The following SPATS2L variants were observed in gnomAD, a reference collection of about 807,000 sequenced individuals.
SPATS2L encodes the protein SPATS2-like protein.
A neutral mutation model predicts 59.6 loss-of-function variants in SPATS2L; 30 were observed. The observed-to-expected ratio is 0.50, with a 90% CI of 0.38 to 0.68. The LOEUF (loss-of-function observed/expected upper bound fraction) is 0.68, where lower values mean the gene tolerates loss of function less well. Among genes scored for constraint, SPATS2L ranks in the 30% least tolerant of loss-of-function variants. SPATS2L has a pLI of 0.00. For synonymous variants in SPATS2L, 252 were observed against 263.5 expected (o/e 0.96, Z 0.42); for missense variants, 615 against 700.0 (o/e 0.88, Z 1.37).
rs1306601736 is a variant in SPATS2L at position 200,477,966 on chromosome 2, A to T, written c.1612A>T (p.Thr538Ser). 1 of 1,605,310 alleles carries T rather than the reference A, an allele frequency of 6.2e-7. No homozygotes were observed. ...GGTTTCACAGTGCAATCTCTGCCCC[A>T]CGAGAATAGAAGTTTCCACAGATGC... is the stretch of plus-strand genomic sequence containing the variant. The part of the protein sequence containing the change: ...GRVSQCNLCP[T>S]RIEVSTDAAV... Residue 538 changes from threonine to serine, a missense_variant, in exon 13 of 13, where the codon ACG becomes TCG. By Grantham distance (58) the Thr-to-Ser change is moderately conservative. Coordinates refer to ENST00000409140, the MANE Select transcript of SPATS2L (RefSeq NM_001100423.2).
At chr2:200,364,447 T>G (rs1282349144) in intron 2 of SPATS2L, among the ~76,000 whole-genome samples, 1 of 152,212 alleles carries the variant, frequency 6.6e-6, no homozygotes, top group Non-Finnish European at 1.5e-5. Flanking sequence ...GATTTCCCAC[T>G]GAGTGCCCTG....
chr2:200,438,625 T>A (rs1490984053), intron 6 of SPATS2L, among the ~76,000 whole-genome samples: 1 of 152,222 alleles, frequency 6.6e-6, no homozygotes, highest in Non-Finnish European at 1.5e-5. Flanking sequence ...CTGTTGTCAC[T>A]TCATTTTTGC....
chr2:200,416,293 T>G, intron 4 of SPATS2L, 86 bp from the exon 5 acceptor site: 3 of 518,786 alleles, frequency 5.8e-6, no homozygotes, highest in Non-Finnish European at 6.1e-6. Flanking sequence ...AAAAAAAAGC[T>G]GCTACCAAGA....
At chr2:200,351,248 T>C (rs1015065182) in intron 2 of SPATS2L, 2 of 471,356 alleles carry the variant, frequency 4.2e-6, no homozygotes, top group African/African-American at 2.0e-5. Flanking sequence ...TGTTTGTGTT[T>C]TTAGATGCAC....
At chr2:200,344,039 A>AT (rs201318167) in intron 2 of SPATS2L, among the ~76,000 whole-genome samples, 10 of 151,504 alleles carry the variant, frequency 6.6e-5, no homozygotes, top group South Asian at 2.1e-4. Context: ...CATAGAGGTT[A>AT]TTTTTTTTAA....
At chr2:200,403,593 C>T (rs983884737) in intron 3 of SPATS2L, among the ~76,000 whole-genome samples, 1 of 152,160 alleles carries the variant, frequency 6.6e-6, no homozygotes, top group Non-Finnish European at 1.5e-5. Flanking sequence ...AATTCATCCT[C>T]CCCCTTCATA....
chr2:200,406,532 C>T (rs1287840812), intron 3 of SPATS2L, among the ~76,000 whole-genome samples: 1 of 152,100 alleles, frequency 6.6e-6, no homozygotes, highest in African/African-American at 2.4e-5. Context: ...AGCCTCTCTT[C>T]ATCTGCACTC....
At chr2:200,347,379 T>G (rs2080550021) in intron 2 of SPATS2L, among the ~76,000 whole-genome samples, 1 of 152,210 alleles carries the variant, frequency 6.6e-6, no homozygotes, top group South Asian at 2.1e-4. Context: ...GCGCATGTCT[T>G]GACTCTGCAT....
chr2:200,425,640 G>A (rs1037926736), intron 6 of SPATS2L, among the ~76,000 whole-genome samples: 15 of 152,156 alleles, frequency 9.9e-5, no homozygotes, highest in African/African-American at 3.6e-4. Flanking sequence ...CTGGAATCGG[G>A]TAAACCCTCT....
intron 6 of SPATS2L, among the ~76,000 whole-genome samples, chr2:200,428,404 T>C (rs1429819080): frequency 6.6e-6 from 1 of 152,224 alleles, no homozygotes; most frequent in African/African-American, 2.4e-5. Flanking sequence ...CCTGATTGTG[T>C]CCCTCTGTCT....
rs557926938 is a variant in SPATS2L, at chr2:200,479,456, G to GA, written c.*1426dup. 3.7e-4 allele frequency: 149 copies of GA among 398,018 alleles called. No individual in the cohort carries two copies. The East Asian group carries it at 4.4e-3, about 12-fold the overall frequency. 24.7% of individuals were successfully genotyped at this position (398,018 alleles called of 1,614,324 possible). On this transcript the variant is annotated 3_prime_UTR_variant, in exon 13 of 13. Transcript: ENST00000409140. ...TGAAAGGGGGGAGAGAAGTGAATGG[G>GA]ATGAACTAATTTGCATAGACTAATT...
In SPATS2L at chr2:200,472,925, G is replaced by A. The variant is rs1351862317; in HGVS notation, c.1154G>A (p.Ser385Asn). ...NAHAATSGKQSNFSRKSSTHN... is the reference protein window; with the variant it reads ...NAHAATSGKQNNFSRKSSTHN... The stretch of plus-strand genomic sequence containing the variant: ...CACGCAGCAACCTCTGGGAAACAGA[G>A]TAACTTTTCCCGAAAATCATCCACT... The change falls in exon 12 of 13, where the codon AGT becomes AAT. Residue 385 changes from serine (S) to asparagine (N), a missense_variant. Transcript: ENST00000409140. 1 of 1,613,878 alleles carries A rather than the reference G, an allele frequency of 6.2e-7. No homozygotes were observed. Among genetic ancestry groups the A allele is most frequent in the South Asian group, 1.1e-5 (1 of 91,082 alleles).
intron 2 of SPATS2L, among the ~76,000 whole-genome samples, chr2:200,361,603 C>T (rs917572635): frequency 1.3e-5 from 2 of 152,178 alleles, no homozygotes; most frequent in African/African-American, 4.8e-5. Context: ...TTGTAGAAGG[C>T]TCAGTTCATT....
At chr2:200,410,354 TTG>T (rs1360288134) in intron 3 of SPATS2L, among the ~76,000 whole-genome samples, 1 of 152,080 alleles carries the variant, frequency 6.6e-6, no homozygotes, top group Non-Finnish European at 1.5e-5. Context: ...AGGGATTTTT[TTG>T]TGTTTTTCTT....
chr2:200,432,256 T>C (rs973688423), intron 6 of SPATS2L, among the ~76,000 whole-genome samples: 1 of 151,946 alleles, frequency 6.6e-6, no homozygotes, highest in Admixed American at 6.6e-5. Flanking sequence ...GGGAGGAGCT[T>C]TGGTGGGGAG....
At chr2:200,333,274 A>T (rs1216012887) in intron 2 of SPATS2L, among the ~76,000 whole-genome samples, 2 of 151,784 alleles carry the variant, frequency 1.3e-5, no homozygotes, top group African/African-American at 4.8e-5. Context: ...TGACAGGACA[A>T]GACCCTGTCT....
At chr2:200,415,749 G>A (rs968420633) in intron 4 of SPATS2L, among the ~76,000 whole-genome samples, 2 of 151,908 alleles carry the variant, frequency 1.3e-5, no homozygotes, top group East Asian at 1.9e-4. Context: ...CAGTTCTACC[G>A]ATATATGTGA....
chr2:200,349,676 A>C (rs1039113061), intron 2 of SPATS2L, among the ~76,000 whole-genome samples: 2 of 152,152 alleles, frequency 1.3e-5, no homozygotes, highest in Non-Finnish European at 2.9e-5. Flanking sequence ...CAAGAGTGAA[A>C]TCCAAGGTTC....
chr2:200,372,274 A>T (rs2081451455), intron 2 of SPATS2L: 2 of 847,758 alleles, frequency 2.4e-6, no homozygotes, highest in Non-Finnish European at 2.8e-6. Flanking sequence ...CCTCTCCATT[A>T]TCCTCATTCA....
Sources: gnomAD v4.1 joint callset for allele counts (sites outside exome capture counted in the v4.1 genomes callset) on GRCh38, gnomAD v4.1.1 for gene constraint, MANE v1.5 for transcripts, NCBI Gene and HGNC (gene_info 2026-07-23, HGNC 2026-07-21) for gene names.